The following SLC30A9 variants were observed in gnomAD, a reference collection of about 807,000 sequenced individuals.
The protein encoded by SLC30A9 is proton-coupled zinc antiporter SLC30A9, mitochondrial.
Under a neutral mutation model 87.5 loss-of-function variants are expected in SLC30A9, and 58 were observed. That is an observed-to-expected ratio of 0.66 (90% CI 0.54 to 0.82). SLC30A9 has a LOEUF of 0.82. Among genes scored for constraint, SLC30A9 ranks in the 40% least tolerant of loss-of-function variants. The pLI is 0.00. For missense variants in SLC30A9, 557 were observed against 679.1 expected (o/e 0.82, Z 2.00); for synonymous variants, 234 against 233.0 (o/e 1.00, Z -0.04).
chr4:42,046,111 A>G lies in SLC30A9; in HGVS notation c.738-3266A>G, dbSNP rs932523509. On this transcript the variant is annotated intron_variant, in intron 8 of 17. Coordinates refer to ENST00000264451, the MANE Select transcript of SLC30A9 (RefSeq NM_006345.4). ...AAAATAAAAAGAGCTATTTATGACA[A>G]ACCCACAGCCAATATCATACTGAAT... Among the ~76,000 whole-genome samples the G allele has an allele frequency of 1.9e-4, 29 of 152,202 alleles. 1 individual carries two copies. Among genetic ancestry groups the G allele is most frequent in the Non-Finnish European group, 1.9e-4 (13 of 68,036 alleles).
intron 2 of SLC30A9, among the ~76,000 whole-genome samples, chr4:42,013,931 A>G (rs1447617596): frequency 6.6e-6 from 1 of 152,254 alleles, no homozygotes; most frequent in Non-Finnish European, 1.5e-5. Context: ...ACAACAAAGG[A>G]AACAGTCAAC....
At chr4:42,058,115 A>C (rs1051093616) in intron 9 of SLC30A9, among the ~76,000 whole-genome samples, 6 of 151,982 alleles carry the variant, frequency 3.9e-5, no homozygotes, top group East Asian at 1.9e-4. Flanking sequence ...AAAAAAAAAA[A>C]AAAAAACTGA....
rs1452375409 is a variant in SLC30A9, at chr4:42,018,155, C to T, written c.319C>T (p.Pro107Ser). The T allele has an allele frequency of 1.9e-6, 3 of 1,556,578 alleles. No individual in the cohort carries two copies. The highest frequency in any genetic ancestry group is 1.8e-6 in the Non-Finnish European group (2 of 1,131,458). The change falls in exon 3 of 18, where the codon CCT becomes TCT. Residue 107 changes from proline (P) to serine (S), a missense_variant. Coordinates refer to ENST00000264451, the MANE Select transcript of SLC30A9 (RefSeq NM_006345.4). ...TELKAPLKQEPLQVRVKAVLK... is the reference protein window; with the variant it reads ...TELKAPLKQESLQVRVKAVLK... ...ACTCAAAGCTCCACTTAAGCAAGAA[C>T]CTCTCCAAGTAAGAGGTAAATATAT...
intron 2 of SLC30A9, among the ~76,000 whole-genome samples, chr4:42,015,843 A>G (rs1307353156): frequency 6.6e-6 from 1 of 152,056 alleles, no homozygotes; most frequent in Non-Finnish European, 1.5e-5. Context: ...GTAATCTAGT[A>G]TCTATTCTTT....
At chr4:42,043,565 T>C (rs1447512817) in intron 8 of SLC30A9, among the ~76,000 whole-genome samples, 1 of 152,132 alleles carries the variant, frequency 6.6e-6, no homozygotes, top group Non-Finnish European at 1.5e-5. Flanking sequence ...AAGATGGGAC[T>C]ATGTGAAAAG....
intron 11 of SLC30A9, among the ~76,000 whole-genome samples, chr4:42,063,521 C>T (rs997289314): frequency 6.6e-5 from 10 of 152,174 alleles, no homozygotes; most frequent in African/African-American, 2.4e-4. Flanking sequence ...GAAGTTAAAG[C>T]TTCTCTTTTC....
At chr4:42,070,504 T>C (rs1553918898) in intron 14 of SLC30A9, 22 bp from the exon 15 acceptor site, 2 of 1,591,294 alleles carry the variant, frequency 1.3e-6, no homozygotes, top group South Asian at 2.3e-5. Context: ...AATTTACTGA[T>C]TTTTTTATGT....
At chr4:42,076,390 A>G (rs1162191788) in intron 16 of SLC30A9, among the ~76,000 whole-genome samples, 1 of 152,264 alleles carries the variant, frequency 6.6e-6, no homozygotes. Context: ...ATTAAACATT[A>G]TGCTGAATTT....
At chr4:42,076,631 ATTTT>A (rs1185625812) in intron 16 of SLC30A9, among the ~76,000 whole-genome samples, 26 of 152,166 alleles carry the variant, frequency 1.7e-4, no homozygotes, top group African/African-American at 5.5e-4. Context: ...TAATTTATTT[ATTTT>A]GTCTCCAGTT....
chr4:42,053,765 T>C (rs1170700161), intron 9 of SLC30A9, among the ~76,000 whole-genome samples: 1 of 144,574 alleles, frequency 6.9e-6, no homozygotes, highest in Non-Finnish European at 1.5e-5. Flanking sequence ...CTGAAAAAAT[T>C]GGAATCAACC....
intron 17 of SLC30A9, among the ~76,000 whole-genome samples, chr4:42,079,511 C>T (rs1309123863): frequency 6.6e-6 from 1 of 151,892 alleles, no homozygotes. Context: ...CCAGGCTGGT[C>T]TCGAACTCCT....
intron 16 of SLC30A9, among the ~76,000 whole-genome samples, chr4:42,077,513 T>C (rs924655581): frequency 6.6e-6 from 1 of 152,096 alleles, no homozygotes; most frequent in Non-Finnish European, 1.5e-5. Flanking sequence ...CAAGCAATTA[T>C]CTACCTCAGC....
intron 1 of SLC30A9, among the ~76,000 whole-genome samples, chr4:41,992,580 T>C (rs775961306): frequency 6.6e-6 from 1 of 152,222 alleles, no homozygotes; most frequent in Non-Finnish European, 1.5e-5. Flanking sequence ...TTGAAAATTA[T>C]GTATTCTTTG....
chr4:42,030,301 G>A (rs952260050), intron 6 of SLC30A9, among the ~76,000 whole-genome samples: 14 of 152,174 alleles, frequency 9.2e-5, no homozygotes, highest in Non-Finnish European at 1.3e-4. Flanking sequence ...AAACTAAAGT[G>A]TAGCAATAGC....
intron 17 of SLC30A9, chr4:42,078,881 A>G (rs1480102032): frequency 6.6e-6 from 1 of 152,202 alleles, no homozygotes; most frequent in Non-Finnish European, 1.5e-5. Flanking sequence ...TTTGCAATGA[A>G]TAAAAACTTG....
chr4:42,046,948 A>C (rs1255057633), intron 8 of SLC30A9, among the ~76,000 whole-genome samples: 2 of 152,232 alleles, frequency 1.3e-5, no homozygotes, highest in African/African-American at 4.8e-5. Flanking sequence ...CAACCATCTG[A>C]TCTTTGACAA....
In SLC30A9 at chr4:42,060,428, T is replaced by C. The variant is rs115714135; in HGVS notation, c.896+182T>C. Among the ~76,000 whole-genome samples the C allele has an allele frequency of 9.0e-3, 1,374 of 152,264 alleles. 22 individuals are homozygous for C. The highest frequency in any genetic ancestry group is 0.032 in the African/African-American group (1,320 of 41,534). On this transcript the variant is annotated intron_variant, in intron 10 of 17. Coordinates refer to ENST00000264451, the MANE Select transcript of SLC30A9 (RefSeq NM_006345.4). ...TGTCAAAGTAAATTCAAGGTATAAT[T>C]TGAAAATGGAGTTCAAGTTATTTTT...
chr4:42,029,851 G>T, intron 6 of SLC30A9: 1 of 717,494 alleles, frequency 1.4e-6, no homozygotes, highest in Non-Finnish European at 2.6e-6. Context: ...CCTGTTCAGT[G>T]CACTGGCTAG....
intron 1 of SLC30A9, among the ~76,000 whole-genome samples, chr4:41,994,109 A>G (rs1170543383): frequency 6.6e-6 from 1 of 152,102 alleles, no homozygotes; most frequent in Non-Finnish European, 1.5e-5. Context: ...GTGAGCTGAG[A>G]TTGCGCCACT....
Sources: gnomAD v4.1 joint callset for allele counts (sites outside exome capture counted in the v4.1 genomes callset) on GRCh38, gnomAD v4.1.1 for gene constraint, MANE v1.5 for transcripts, NCBI Gene and HGNC (gene_info 2026-07-23, HGNC 2026-07-21) for gene names.